TULP2: variants seen among roughly 807,000 people sequenced by gnomAD.
TULP2 encodes the protein tubby-related protein 2.
Under a neutral mutation model 60.3 loss-of-function variants are expected in TULP2, and 64 were observed. The observed-to-expected ratio is 1.06, with a 90% CI of 0.87 to 1.31. The LOEUF (loss-of-function observed/expected upper bound fraction) is 1.31. Ranked by LOEUF, TULP2 falls within the 50% of genes most tolerant of loss-of-function variation. TULP2 has a pLI of 0.00. For synonymous variants in TULP2, 267 were observed against 265.4 expected, an observed-to-expected ratio of 1.01 and a Z score of -0.06; for missense variants, 652 against 667.0, an observed-to-expected ratio of 0.98 and a Z score of 0.25.
intron 3 of TULP2, 128 bp from the exon 4 acceptor site, chr19:48,896,684 C>A (rs73061693): frequency 0.14 from 162,207 of 1,157,100 alleles, 12,678 homozygotes; most frequent in Non-Finnish European, 0.16. Context: ...CTGGGGCCCA[C>A]ACGTCCAGGC....
intron 8 of TULP2, among the ~76,000 whole-genome samples, chr19:48,886,317 CT>C (rs2037179283): frequency 6.7e-6 from 1 of 148,878 alleles, no homozygotes; most frequent in African/African-American, 2.5e-5. Context: ...AAAAAAAAGA[CT>C]TACTGGGAAA....
intron 6 of TULP2, among the ~76,000 whole-genome samples, chr19:48,892,634 G>T (rs2037243918): frequency 6.6e-6 from 1 of 151,714 alleles, no homozygotes; most frequent in Non-Finnish European, 1.5e-5. Context: ...CTCCCGAATA[G>T]CTGGGACTAC....
At chr19:48,896,959 C>T (rs117016425) in intron 3 of TULP2, among the ~76,000 whole-genome samples, 16,217 of 151,806 alleles carry the variant, frequency 0.11, 1,189 homozygotes, top group Non-Finnish European at 0.16. Flanking sequence ...CCACGATCTC[C>T]GCTCACTGCA....
chr19:48,885,914 A>G (rs2037175516), intron 8 of TULP2, among the ~76,000 whole-genome samples: 1 of 151,930 alleles, frequency 6.6e-6, no homozygotes, highest in Admixed American at 6.6e-5. Flanking sequence ...ATGAAAGAAA[A>G]ATGGACTTCT....
intron 11 of TULP2, 63 bp from the exon 12 acceptor site, chr19:48,882,266 G>T: frequency 1.3e-6 from 2 of 1,589,030 alleles, no homozygotes; most frequent in South Asian, 1.1e-5. Context: ...CTTGAACAGG[G>T]GCGACTCCAT....
intron 8 of TULP2, 76 bp downstream of exon 8, chr19:48,887,874 C>T (rs2037196099): frequency 1.3e-6 from 2 of 1,512,554 alleles, no homozygotes; most frequent in Non-Finnish European, 1.8e-6. Flanking sequence ...TGGTCTTGAC[C>T]TAGCTCAGAA....
intron 12 of TULP2, 124 bp from the exon 13 acceptor site, chr19:48,881,250 C>G (rs1405058593): frequency 9.6e-6 from 6 of 625,714 alleles, no homozygotes; most frequent in African/African-American, 1.9e-5. Context: ...TGCTCTGTCG[C>G]CCAGGCTGGA....
At chr19:48,882,507 G>T (rs1405001558) in intron 11 of TULP2, among the ~76,000 whole-genome samples, 1 of 152,096 alleles carries the variant, frequency 6.6e-6, no homozygotes, top group Non-Finnish European at 1.5e-5. Context: ...TCTGCAGAAA[G>T]GGTACACTCA....
At chr19:48,884,411 T>A (rs545775441) in intron 9 of TULP2, among the ~76,000 whole-genome samples, 1 of 152,076 alleles carries the variant, frequency 6.6e-6, no homozygotes, top group East Asian at 1.9e-4. Flanking sequence ...GCCACTGCAC[T>A]CCAGCCTGGG....
At position 48,885,453 on chromosome 19, in the gene TULP2, T is replaced by A; in HGVS notation, c.1056A>T (p.Lys352Asn). ...LSRDGDNFVG[K>N]VRSNVFSTKF... ...CATGTCAGAGCTCTACCCACCTGAC[T>A]TTGCCCACGAAATTGTCCCCGTCCC... The change falls in exon 9 of 13, where the codon AAA becomes AAT. Residue 352 changes from lysine to asparagine, a missense_variant. Lys to Asn is a moderately conservative substitution (Grantham distance 94). Coordinates refer to ENST00000221399, the MANE Select transcript of TULP2 (RefSeq NM_003323.3). The A allele has an allele frequency of 6.2e-7, 1 of 1,613,814 alleles. No individual in the cohort carries two copies. The highest frequency in any genetic ancestry group is 2.2e-5 in the East Asian group (1 of 44,870).
In TULP2 at chr19:48,882,341, T is replaced by G. The variant is rs558420141; in HGVS notation, c.1276-138A>C. The G allele has an allele frequency of 1.9e-5, 17 of 908,714 alleles. No homozygotes were observed. The South Asian group carries it at 2.7e-4, about 14-fold the overall frequency. The allele number at this position is 908,714 out of a possible 1,614,324, so 56.3% of individuals were successfully genotyped here. A position where few individuals can be genotyped will look rare whatever the true frequency, so the allele number is the denominator to read the frequency against. ...AAAATGAGGATGAGACCTGCTGGGCTGCGTTCCCAGGAGGTTAGGCATTCT... is the reference window on the plus strand; with the variant it reads ...AAAATGAGGATGAGACCTGCTGGGCGGCGTTCCCAGGAGGTTAGGCATTCT... On this transcript the variant is annotated intron_variant, in intron 11 of 12. Transcript: ENST00000221399.
In TULP2 at chr19:48,885,447, C is replaced by A; in HGVS notation, c.1061+1G>T. On this transcript the variant is annotated splice_donor_variant, in intron 9 of 12. Coordinates refer to ENST00000221399, the MANE Select transcript of TULP2 (RefSeq NM_003323.3). LOFTEE classifies it high-confidence loss of function. ...TCACCACATGTCAGAGCTCTACCCACCTGACTTTGCCCACGAAATTGTCCC... is the reference window on the plus strand; with the variant it reads ...TCACCACATGTCAGAGCTCTACCCAACTGACTTTGCCCACGAAATTGTCCC... 1 of 1,613,610 alleles carries A rather than the reference C, an allele frequency of 6.2e-7. No individual in the cohort carries two copies. The highest frequency in any genetic ancestry group is 8.5e-7 in the Non-Finnish European group (1 of 1,179,638).
intron 6 of TULP2, 83 bp from the exon 7 acceptor site, chr19:48,889,714 C>A: frequency 8.0e-7 from 1 of 1,255,460 alleles, no homozygotes. Flanking sequence ...CCATTTTGTT[C>A]TGTACTAAGA....
At chr19:48,890,012 G>A (rs201060563) in intron 6 of TULP2, among the ~76,000 whole-genome samples, 12 of 152,130 alleles carry the variant, frequency 7.9e-5, no homozygotes, top group Non-Finnish European at 1.0e-4. Flanking sequence ...ATATGGCCTC[G>A]TGGGAAGGGA....
rs17847559 is a variant in TULP2, at chr19:48,897,948, C to T, written c.-1-79G>A. On this transcript the variant is annotated intron_variant, in intron 1 of 12. Coordinates refer to ENST00000221399, the MANE Select transcript of TULP2 (RefSeq NM_003323.3). The surrounding 1 kb of genome is among the most constrained non-coding windows in gnomAD (Gnocchi z 4.0). Reference sequence around the variant, plus strand: ...TGCCCACCAGCACCTAATCTTTAGCCTTATTTATTTATTTATTTATTTATT... The same window carrying T: ...TGCCCACCAGCACCTAATCTTTAGCTTTATTTATTTATTTATTTATTTATT... 0.14 allele frequency: 87,714 copies of T among 637,370 alleles called. 5,777 individuals are homozygous for T. Among genetic ancestry groups the T allele is most frequent in the East Asian group, 0.2 (5,330 of 26,772 alleles). 39.5% of individuals were successfully genotyped at this position (637,370 alleles called of 1,614,324 possible).
At chr19:48,889,307 C>A (rs566201958) in intron 7 of TULP2, among the ~76,000 whole-genome samples, 1 of 152,260 alleles carries the variant, frequency 6.6e-6, no homozygotes, top group East Asian at 1.9e-4. Flanking sequence ...CATGTCAAGT[C>A]AAATCCTCTG....
At chr19:48,884,456 TAAATAAATAA>T (rs2037161705) in intron 9 of TULP2, among the ~76,000 whole-genome samples, 2 of 149,752 alleles carry the variant, frequency 1.3e-5, no homozygotes, top group East Asian at 2.0e-4. Context: ...AATAAATATA[TAAATAAATAA>T]AAATAAATAA....
In TULP2 at chr19:48,897,089, C is replaced by G. The variant is rs144727034; in HGVS notation, c.84+256G>C. Reference sequence around the variant, plus strand: ...TGTGTTAGTAGAGACGGGGTTTCGCCGTGTTGGCCAGGCTTGTCTTGAACT... The same window carrying G: ...TGTGTTAGTAGAGACGGGGTTTCGCGGTGTTGGCCAGGCTTGTCTTGAACT... On this transcript the variant is annotated intron_variant, in intron 3 of 12. Coordinates refer to ENST00000221399, the MANE Select transcript of TULP2 (RefSeq NM_003323.3). The surrounding 1 kb of genome is among the most constrained non-coding windows in gnomAD (Gnocchi z 4.0). Among the ~76,000 whole-genome samples, 1 of 152,014 alleles carries G rather than the reference C, an allele frequency of 6.6e-6. No individual in the cohort carries two copies. The highest frequency in any genetic ancestry group is 2.1e-4 in the South Asian group (1 of 4,816).
chr19:48,883,922 G>T lies in TULP2; in HGVS notation c.1176+10C>A. ...ATCCTACCCCATTCTCTCATCCCCA[G>T]GACACTCACATAACACACAGCCCCC... On this transcript the variant is annotated intron_variant, in intron 10 of 12. Transcript: ENST00000221399. 1 of 1,613,852 alleles carries T rather than the reference G, an allele frequency of 6.2e-7. No individual in the cohort carries two copies. The highest frequency in any genetic ancestry group is 8.5e-7 in the Non-Finnish European group (1 of 1,179,918).
Sources: gnomAD v4.1 joint callset for allele counts (sites outside exome capture counted in the v4.1 genomes callset) on GRCh38, gnomAD v4.1.1 for gene constraint, Gnocchi (gnomAD v3.1) non-coding constraint, MANE v1.5 for transcripts, NCBI Gene and HGNC (gene_info 2026-07-23, HGNC 2026-07-21) for gene names.